The following STX8 variants were observed in gnomAD, a reference collection of about 807,000 sequenced individuals.
STX8 encodes syntaxin-8.
In STX8, 23 loss-of-function variants were observed where a neutral mutation model predicts 37.5. That is an observed-to-expected ratio of 0.61 (90% CI 0.44 to 0.87). STX8 has a LOEUF of 0.87. STX8 is among the 40% of genes least tolerant of loss of function. The pLI is 0.00. For missense variants in STX8, 313 were observed against 284.7 expected (o/e 1.10, Z -0.71); for synonymous variants, 115 against 99.1 (o/e 1.16, Z -0.95).
chr17:9,408,840 A>G (rs1266656509), intron 6 of STX8, among the ~76,000 whole-genome samples: 1 of 152,122 alleles, frequency 6.6e-6, no homozygotes, highest in East Asian at 1.9e-4. Flanking sequence ...AGAAAAGTCT[A>G]CGTGAGGGTC....
chr17:9,486,418 C>A (rs1429862062), intron 6 of STX8, among the ~76,000 whole-genome samples: 1 of 152,214 alleles, frequency 6.6e-6, no homozygotes, highest in Non-Finnish European at 1.5e-5. Context: ...GAGATTTGTT[C>A]TTGGTGTGAT....
chr17:9,253,370 T>C (rs1906666042), intron 7 of STX8, among the ~76,000 whole-genome samples: 1 of 152,120 alleles, frequency 6.6e-6, no homozygotes, highest in East Asian at 1.9e-4. Flanking sequence ...ATCTTTTCAC[T>C]GATTTCTGCT....
chr17:9,294,541 G>A (rs557780009), intron 7 of STX8, among the ~76,000 whole-genome samples: 1 of 152,308 alleles, frequency 6.6e-6, no homozygotes, highest in East Asian at 1.9e-4. Context: ...ACAACAAGGA[G>A]CAGACAGGAA....
chr17:9,488,871 C>CGTGT (rs150176375), intron 6 of STX8, among the ~76,000 whole-genome samples: 17 of 148,510 alleles, frequency 1.1e-4, no homozygotes, highest in African/African-American at 3.4e-4. Flanking sequence ...CGCTCGGTCA[C>CGTGT]GTGTGTGTGT....
intron 6 of STX8, among the ~76,000 whole-genome samples, chr17:9,431,434 T>C (rs1913974591): frequency 6.8e-6 from 1 of 147,036 alleles, no homozygotes; most frequent in Admixed American, 6.8e-5. Flanking sequence ...GTTTTTGTTG[T>C]TGTTGTTGTT....
At chr17:9,475,558 C>A (rs1906065251) in intron 6 of STX8, among the ~76,000 whole-genome samples, 1 of 152,188 alleles carries the variant, frequency 6.6e-6, no homozygotes, top group African/African-American at 2.4e-5. Context: ...GCTGGAACCC[C>A]CGGAACAGCC....
chr17:9,550,235 A>G (rs950815696), intron 3 of STX8, among the ~76,000 whole-genome samples: 4 of 150,550 alleles, frequency 2.7e-5, no homozygotes, highest in African/African-American at 9.8e-5. Flanking sequence ...AAAAAAAAAA[A>G]AAGTAGTACA....
intron 7 of STX8, among the ~76,000 whole-genome samples, chr17:9,264,063 G>T (rs1907141134): frequency 1.3e-5 from 2 of 152,220 alleles, no homozygotes; most frequent in Non-Finnish European, 2.9e-5. Flanking sequence ...CTGCCATGCT[G>T]CAAGGAAGCC....
rs897412162 is a variant in STX8 at position 9,337,389 on chromosome 17, C to CT, written c.643+41162dup. Reference sequence around the variant, plus strand: ...TCCTCTGCCATCTCTTATTTTATTTCTTTTTTTGAGATCGAGTCTCATTCT... The same window carrying CT: ...TCCTCTGCCATCTCTTATTTTATTTCTTTTTTTTGAGATCGAGTCTCATTCT... On this transcript the variant is annotated intron_variant, in intron 7 of 7. Transcript: ENST00000306357. 5.7e-4 allele frequency among the ~76,000 whole-genome samples: 87 copies of CT among 152,146 alleles called. 1 individual carries two copies. The highest frequency in any genetic ancestry group is 1.7e-3 in the African/African-American group (72 of 41,524).
At chr17:9,362,813 AGT>A (rs1198905373) in intron 7 of STX8, among the ~76,000 whole-genome samples, 1 of 146,808 alleles carries the variant, frequency 6.8e-6, no homozygotes, top group Non-Finnish European at 1.5e-5. Flanking sequence ...TGGGCGACAG[AGT>A]GAGACTCCGT....
intron 1 of STX8, among the ~76,000 whole-genome samples, chr17:9,574,196 A>T (rs1907800310): frequency 6.6e-6 from 1 of 151,518 alleles, no homozygotes; most frequent in Non-Finnish European, 1.5e-5. Flanking sequence ...GCTTAAGCCC[A>T]GGAGGTGGAG....
chr17:9,560,898 C>T (rs73975731), intron 2 of STX8, among the ~76,000 whole-genome samples: 9,005 of 152,130 alleles, frequency 0.059, 404 homozygotes, highest in African/African-American at 0.13. Flanking sequence ...TGCTGGCAAT[C>T]ACCAACAGCT....
intron 6 of STX8, among the ~76,000 whole-genome samples, chr17:9,419,850 T>C (rs569529266): frequency 2.0e-5 from 3 of 152,356 alleles, no homozygotes; most frequent in Admixed American, 2.0e-4. Flanking sequence ...CCCATAAGAT[T>C]CACGGAAACT....
chr17:9,369,921 A>G (rs1362362184), intron 7 of STX8, among the ~76,000 whole-genome samples: 10 of 150,498 alleles, frequency 6.6e-5, no homozygotes, highest in Non-Finnish European at 1.3e-4. Context: ...GAAAGAAAAA[A>G]GAAAAAAAGC....
At chr17:9,422,475 G>T (rs1400672439) in intron 6 of STX8, among the ~76,000 whole-genome samples, 1 of 152,148 alleles carries the variant, frequency 6.6e-6, no homozygotes, top group Admixed American at 6.5e-5. Flanking sequence ...CTAGTTCCTG[G>T]CATCACCAAT....
At chr17:9,261,953 C>T (rs1907055387) in intron 7 of STX8, among the ~76,000 whole-genome samples, 1 of 152,152 alleles carries the variant, frequency 6.6e-6, no homozygotes, top group Admixed American at 6.5e-5. Flanking sequence ...AAGATTCCTG[C>T]AAGGTTCCAG....
intron 6 of STX8, among the ~76,000 whole-genome samples, chr17:9,428,027 T>G (rs1220156858): frequency 6.6e-6 from 1 of 152,178 alleles, no homozygotes; most frequent in Non-Finnish European, 1.5e-5. Context: ...ACCCAAGGGC[T>G]GTAGCACACA....
rs1423845779 is a variant in STX8 at position 9,335,811 on chromosome 17, TCTCA to T, written c.643+42737_643+42740del. On this transcript the variant is annotated intron_variant, in intron 7 of 7. Coordinates refer to ENST00000306357, the MANE Select transcript of STX8 (RefSeq NM_004853.3). ...TGGCATTCAAGGTGGGCTCTCTCTCTCTCACACACACACACACGTAGACACACAC... is the reference window on the plus strand; with the variant it reads ...TGGCATTCAAGGTGGGCTCTCTCTCTCACACACACACACGTAGACACACAC... 2.4e-3 allele frequency among the ~76,000 whole-genome samples: 242 copies of T among 99,650 alleles called. 2 individuals carry two copies. The highest frequency in any genetic ancestry group is 7.3e-3 in the African/African-American group (223 of 30,684). The allele number at this position is 99,650 out of a possible 152,430, so 65.4% of individuals were successfully genotyped here.
intron 7 of STX8, among the ~76,000 whole-genome samples, chr17:9,315,612 C>T (rs941516641): frequency 5.3e-5 from 8 of 152,296 alleles, no homozygotes; most frequent in Admixed American, 3.3e-4. Context: ...TATATTTAGC[C>T]AACCTGTTCA....
Sources: gnomAD v4.1 joint callset for allele counts (sites outside exome capture counted in the v4.1 genomes callset) on GRCh38, gnomAD v4.1.1 for gene constraint, MANE v1.5 for transcripts, NCBI Gene and HGNC (gene_info 2026-07-23, HGNC 2026-07-21) for gene names.